The following DNAJC10 variants were observed in gnomAD, a reference collection of about 807,000 sequenced individuals.
The protein encoded by DNAJC10 is DnaJ heat shock protein family (Hsp40) member C10.
In DNAJC10, 101 loss-of-function variants were observed where a neutral mutation model predicts 115.0. That is an observed-to-expected ratio of 0.88 (90% CI 0.75 to 1.04). The LOEUF (loss-of-function observed/expected upper bound fraction) is 1.04, where lower values mean the gene tolerates loss of function less well. DNAJC10 is among the 50% of genes least tolerant of loss of function. DNAJC10 has a pLI of 0.00. For synonymous variants in DNAJC10, 307 were observed against 301.5 expected (o/e 1.02, Z -0.19); for missense variants, 981 against 928.8 (o/e 1.06, Z -0.73).
In DNAJC10 at chr2:182,756,358, C is replaced by T. The variant is rs769690725; in HGVS notation, c.1698C>T (p.Phe566=). 2.4e-5 allele frequency: 39 copies of T among 1,613,970 alleles called. No homozygotes were observed. The highest frequency in any genetic ancestry group is 3.2e-5 in the Non-Finnish European group (38 of 1,179,892). The change falls in exon 18 of 24, where the codon TTC becomes TTT. Residue 566 remains phenylalanine (F), a synonymous_variant. Transcript: ENST00000264065. ...PSVVSLTPTT[F]NELVTQRKHN... is the part of the protein sequence containing the mutation. Reference sequence around the variant, plus strand: ...TGGTCTCCCTTACACCCACCACCTTCAACGAACTAGTTACACAAAGAAAAC... The same window carrying T: ...TGGTCTCCCTTACACCCACCACCTTTAACGAACTAGTTACACAAAGAAAAC...
chr2:182,761,645 C>A (rs1694288198), intron 21 of DNAJC10, among the ~76,000 whole-genome samples: 1 of 152,092 alleles, frequency 6.6e-6, no homozygotes, highest in Non-Finnish European at 1.5e-5. Flanking sequence ...AGCCTAATTT[C>A]TGGCTTGAAC....
chr2:182,757,136 C>T (rs919909940), intron 18 of DNAJC10, among the ~76,000 whole-genome samples: 5 of 152,132 alleles, frequency 3.3e-5, no homozygotes, highest in Non-Finnish European at 7.4e-5. Flanking sequence ...AAATAGGCAC[C>T]ATGTTTTAAG....
intron 10 of DNAJC10, among the ~76,000 whole-genome samples, chr2:182,734,694 T>C (rs1693542396): frequency 6.6e-6 from 1 of 151,874 alleles, no homozygotes; most frequent in Non-Finnish European, 1.5e-5. Context: ...TGGATATTTC[T>C]ATTTCCTTTG....
Position 182,731,112 on chromosome 2 carries a change from T to C in DNAJC10, c.805+5T>C, listed in dbSNP as rs373580997. Reference sequence around the variant, plus strand: ...CTTTTTGTTCAAAAGGAGGAGGTAATACTATTTTTTAATTTTGTTGGAATG... The same window carrying C: ...CTTTTTGTTCAAAAGGAGGAGGTAACACTATTTTTTAATTTTGTTGGAATG... On this transcript the variant is annotated splice_donor_5th_base_variant and intron_variant, in intron 9 of 23. Transcript: ENST00000264065. 4.4e-6 allele frequency: 7 copies of C among 1,602,668 alleles called. No individual in the cohort carries two copies. The highest frequency in any genetic ancestry group is 1.7e-5 in the Admixed American group (1 of 58,626).
In DNAJC10 at chr2:182,789,760, T is replaced by C. The variant is rs972626683; in HGVS notation, c.*12628T>C. ...GGGGGGACCTCCATACTGTTTTTCA[T>C]AGCAGCTGCACCATTTTACATTCCC... On this transcript the variant is annotated 3_prime_UTR_variant, in exon 24 of 24. Coordinates refer to ENST00000264065, the MANE Select transcript of DNAJC10 (RefSeq NM_018981.4). The C allele has an allele frequency of 6.6e-6, 1 of 152,154 alleles. No individual in the cohort carries two copies. Among genetic ancestry groups the C allele is most frequent in the African/African-American group, 2.4e-5 (1 of 41,432 alleles). The allele number at this position is 152,154 out of a possible 1,614,324, so 9.4% of individuals were successfully genotyped here.
chr2:182,772,329 T>A (rs571988706), intron 22 of DNAJC10, among the ~76,000 whole-genome samples: 1 of 151,514 alleles, frequency 6.6e-6, no homozygotes, highest in African/African-American at 2.4e-5. Context: ...TGGTTGTCTA[T>A]TAGGTCTGCT....
intron 22 of DNAJC10, among the ~76,000 whole-genome samples, chr2:182,774,870 C>T (rs945723314): frequency 6.6e-6 from 1 of 152,250 alleles, no homozygotes; most frequent in African/African-American, 2.4e-5. Context: ...GCTGCACCCA[C>T]TGTCCAACCA....
chr2:182,732,319 TG>T (rs1693468843), intron 9 of DNAJC10, among the ~76,000 whole-genome samples, 179 bp from the exon 10 acceptor site: 1 of 142,134 alleles, frequency 7.0e-6, no homozygotes, highest in Non-Finnish European at 1.5e-5. Flanking sequence ...AGTGTGTGTG[TG>T]TTTTTGTGTG....
At chr2:182,719,911 A>T in intron 3 of DNAJC10, 96 bp from the exon 4 acceptor site, 1 of 666,250 alleles carries the variant, frequency 1.5e-6, no homozygotes, top group East Asian at 3.0e-5. Flanking sequence ...ATGGTCTCCC[A>T]GAAGTTACTA....
chr2:182,759,302 G>A lies in DNAJC10; in HGVS notation c.2140G>A (p.Ala714Thr). 1 of 1,610,252 alleles carries A rather than the reference G, an allele frequency of 6.2e-7. No individual in the cohort carries two copies. The highest frequency in any genetic ancestry group is 1.7e-5 in the Admixed American group (1 of 58,988). The change falls in exon 21 of 24, where the codon GCT (alanine) becomes ACT (threonine). Residue 714 changes from alanine (A) to threonine (T), a missense_variant. Ala to Thr is a moderately conservative substitution (Grantham distance 58). Transcript: ENST00000264065. ...QNFAPEFELL[A>T]RMIKGKVKAG... is the part of the protein sequence containing the mutation. ...TTTTGCTCCAGAATTTGAGCTCTTG[G>A]CTAGGGTAAGTCATACCTGTCTTAA...
intron 4 of DNAJC10, 84 bp from the exon 5 acceptor site, chr2:182,721,941 G>C: frequency 1.3e-6 from 1 of 748,002 alleles, no homozygotes; most frequent in African/African-American, 1.9e-5. Context: ...TTTTTTTGAT[G>C]ATTAAAACGA....
At position 182,751,712 on chromosome 2, in the gene DNAJC10, A is replaced by G; in HGVS notation, c.1361A>G (p.His454Arg). Residue 454 changes from histidine to arginine, a missense_variant, in exon 15 of 24, where the codon CAT (histidine) becomes CGT (arginine). Transcript: ENST00000264065. ...TTTGCCAAAGAAAGTGTGAATTCTC[A>G]TGTTACCACGCTTGGACCTCAAAAT... ...LAFAKESVNS[H>R]VTTLGPQNFP... 4.3e-6 allele frequency: 7 copies of G among 1,614,040 alleles called. No homozygotes were observed. The highest frequency in any genetic ancestry group is 5.9e-6 in the Non-Finnish European group (7 of 1,179,892).
rs1187693984 is a variant in DNAJC10, at chr2:182,788,880, A to C, written c.*11748A>C. ...TAAAGGTCATTTTGTGTCTTCTTTA[A>C]AACTCTTGATTCCTTTTAGAGTTTT... On this transcript the variant is annotated 3_prime_UTR_variant, in exon 24 of 24. Transcript: ENST00000264065. The C allele has an allele frequency of 2.2e-6, 1 of 444,474 alleles. No individual in the cohort carries two copies. Among genetic ancestry groups the C allele is most frequent in the Non-Finnish European group, 4.5e-6 (1 of 224,018 alleles). The allele number at this position is 444,474 out of a possible 1,614,324, so 27.5% of individuals were successfully genotyped here. A position where few individuals can be genotyped will look rare whatever the true frequency, so the allele number is the denominator to read the frequency against.
At chr2:182,717,817 G>A (rs750829700) in intron 2 of DNAJC10, 124 bp from the exon 3 acceptor site, 6 of 255,902 alleles carry the variant, frequency 2.3e-5, no homozygotes, top group Non-Finnish European at 3.7e-5. Flanking sequence ...AATAGAACCT[G>A]GGGCATTCAC....
rs147431597 is a variant in DNAJC10, at chr2:182,769,766, A to C, written c.2266-5550A>C. Among the ~76,000 whole-genome samples, 75 of 152,124 alleles carry C rather than the reference A, an allele frequency of 4.9e-4. No individual in the cohort carries two copies. The East Asian group carries it at 0.014, about 28-fold the overall frequency. ...TTGCCAACATTTTCTCCCATTCTGTAGGTTGCCTTTCACTCTGATGATAGT... is the reference window on the plus strand; with the variant it reads ...TTGCCAACATTTTCTCCCATTCTGTCGGTTGCCTTTCACTCTGATGATAGT... On this transcript the variant is annotated intron_variant, in intron 22 of 23. Coordinates refer to ENST00000264065, the MANE Select transcript of DNAJC10 (RefSeq NM_018981.4).
intron 10 of DNAJC10, among the ~76,000 whole-genome samples, chr2:182,733,483 C>T (rs112171967): frequency 4.6e-5 from 7 of 151,458 alleles, no homozygotes; most frequent in Admixed American, 1.3e-4. Context: ...TCAAAATATT[C>T]GAGGGTGAGG....
chr2:182,742,847 T>G (rs1201836856), intron 13 of DNAJC10, among the ~76,000 whole-genome samples: 1 of 151,952 alleles, frequency 6.6e-6, no homozygotes, highest in Non-Finnish European at 1.5e-5. Context: ...TCTTTGTTTT[T>G]TTTTCTTTTT....
At position 182,756,377 on chromosome 2, in the gene DNAJC10, A is replaced by T; in HGVS notation, c.1717A>T (p.Arg573Ter). The T allele has an allele frequency of 1.2e-6, 2 of 1,614,054 alleles. No individual in the cohort carries two copies. The highest frequency in any genetic ancestry group is 1.7e-6 in the Non-Finnish European group (2 of 1,179,920). ...CACCTTCAACGAACTAGTTACACAA[A>T]GAAAACACAACGAAGTCTGGATGGT... ...PTTFNELVTQ[R>*]KHNEVWMVDF... is the part of the protein sequence containing the mutation. The change falls in exon 18 of 24, where the codon AGA becomes TGA. Residue 573 changes from arginine (R) to a stop codon, truncating the protein, a stop_gained. Coordinates refer to ENST00000264065, the MANE Select transcript of DNAJC10 (RefSeq NM_018981.4). LOFTEE classifies it high-confidence loss of function.
In DNAJC10 at chr2:182,762,579, A is replaced by T. The variant is rs1694312579; in HGVS notation, c.2146-103A>T. The T allele has an allele frequency of 4.8e-6, 6 of 1,245,920 alleles. No individual in the cohort carries two copies. The South Asian group carries it at 7.2e-5, about 15-fold the overall frequency. 77.2% of individuals were successfully genotyped at this position (1,245,920 alleles called of 1,614,324 possible). ...TGAGTAGGAAGAATTAAAGTTTTTT[A>T]AATAAATTCTTAGATTCAAAATGTT... On this transcript the variant is annotated intron_variant, in intron 21 of 23. Transcript: ENST00000264065.
Sources: gnomAD v4.1 joint callset for allele counts (sites outside exome capture counted in the v4.1 genomes callset) on GRCh38, gnomAD v4.1.1 for gene constraint, MANE v1.5 for transcripts, NCBI Gene and HGNC (gene_info 2026-07-23, HGNC 2026-07-21) for gene names.